Variants in LRGUK observed in about 807,000 individuals in gnomAD.
LRGUK encodes the protein leucine rich repeats and guanylate kinase domain containing.
In LRGUK, 65 loss-of-function variants were observed where a neutral mutation model predicts 76.0. The observed-to-expected ratio is 0.85, with a 90% confidence interval of 0.70 to 1.05. The LOEUF (loss-of-function observed/expected upper bound fraction) is 1.05, where lower values mean the gene tolerates loss of function less well. Ranked by LOEUF, LRGUK falls within the 50% of genes least tolerant of loss-of-function variation. The probability of loss-of-function intolerance (pLI) is 0.00; values close to 1 mark genes in which losing one functional copy is unlikely to be tolerated. For missense variants in LRGUK, 758 were observed against 732.8 expected (o/e 1.03, Z -0.40); for synonymous variants, 268 against 265.6 (o/e 1.01, Z -0.09).
At chr7:134,130,104 T>C (rs1048190046) in intron 1 of LRGUK, among the ~76,000 whole-genome samples, 1 of 152,202 alleles carries the variant, frequency 6.6e-6, no homozygotes, top group African/African-American at 2.4e-5. Context: ...TTTTACTTCC[T>C]TCTACATGAG....
intron 16 of LRGUK, among the ~76,000 whole-genome samples, chr7:134,245,274 A>G (rs920839811): frequency 8.2e-4 from 125 of 152,162 alleles, no homozygotes; most frequent in African/African-American, 2.9e-3. Context: ...AATGGGAACA[A>G]CCCCTCTTCT....
intron 5 of LRGUK, among the ~76,000 whole-genome samples, chr7:134,152,732 A>G (rs1798274289): frequency 2.0e-5 from 3 of 152,030 alleles, no homozygotes; most frequent in South Asian, 2.1e-4. Flanking sequence ...TTTTATTCCT[A>G]TATGTGGAAA....
In LRGUK at chr7:134,165,327, A is replaced by C. The variant is rs554586081; in HGVS notation, c.939+1787A>C. On this transcript the variant is annotated intron_variant, in intron 7 of 15. Transcript: ENST00000645682. ...TTAAGTAACTTGCCCAAAGTCATAT[A>C]TCCAGCAAATAGCAGAGCCAGCCTG... is the stretch of plus-strand genomic sequence containing the variant. Among the ~76,000 whole-genome samples, 5 of 152,314 alleles carry C rather than the reference A, an allele frequency of 3.3e-5. No homozygotes were observed. In the East Asian group the frequency reaches 9.6e-4, roughly 29 times the overall value.
intron 19 of LRGUK, among the ~76,000 whole-genome samples, chr7:134,263,623 CTTTTT>C (rs59840547): frequency 1.8e-5 from 2 of 114,000 alleles, no homozygotes; most frequent in Non-Finnish European, 1.8e-5. Flanking sequence ...TCATTTCTTT[CTTTTT>C]TTTTTTTTTT....
intron 15 of LRGUK, among the ~76,000 whole-genome samples, chr7:134,218,136 A>G (rs779742067): frequency 2.8e-4 from 42 of 152,104 alleles, no homozygotes; most frequent in Non-Finnish European, 4.9e-4. Flanking sequence ...TAATTTTTAT[A>G]TTTTTAGTAG....
At chr7:134,135,933 G>A (rs1292671427) in intron 1 of LRGUK, among the ~76,000 whole-genome samples, 6 of 152,222 alleles carry the variant, frequency 3.9e-5, no homozygotes, top group Admixed American at 3.3e-4. Context: ...TGGGATTACA[G>A]GCGTGAGCCA....
intron 6 of LRGUK, 66 bp from the exon 7 acceptor site, chr7:134,163,331 A>G: frequency 6.9e-7 from 1 of 1,446,196 alleles, no homozygotes; most frequent in Non-Finnish European, 9.3e-7. Flanking sequence ...CCCAAATGAA[A>G]ACTTGCCATT....
chr7:134,181,514 G>A (rs577505166), intron 10 of LRGUK, among the ~76,000 whole-genome samples: 23 of 58,494 alleles, frequency 3.9e-4, no homozygotes, highest in Admixed American at 3.2e-3. Flanking sequence ...CTTTCAATGC[G>A]TAGTGTTTTT....
chr7:134,202,278 C>T (rs572803942), intron 15 of LRGUK, among the ~76,000 whole-genome samples: 1 of 151,640 alleles, frequency 6.6e-6, no homozygotes, highest in South Asian at 2.1e-4. Flanking sequence ...CCCTTTAATC[C>T]ACCTCACAAC....
chr7:134,158,054 CA>C lies in LRGUK; in HGVS notation c.691del (p.Ser231ValfsTer3). The C allele has an allele frequency of 5.6e-6, 9 of 1,612,058 alleles. No homozygotes were observed. The highest frequency in any genetic ancestry group is 6.8e-6 in the Non-Finnish European group (8 of 1,178,628). On this transcript the variant is annotated frameshift_variant, in exon 6 of 16. Transcript: ENST00000645682. LOFTEE classifies it high-confidence loss of function. Reference sequence around the variant, plus strand: ...GTATAGGCAATGAGATAGAAGAAATCAGTGGACTAGAGATGTGCAACAACCT... The same window carrying C: ...GTATAGGCAATGAGATAGAAGAAATCGTGGACTAGAGATGTGCAACAACCT...
Position 134,148,822 on chromosome 7 carries a change from C to T in LRGUK, c.670+503C>T, listed in dbSNP as rs184087297. Among the ~76,000 whole-genome samples, 316 of 151,536 alleles carry T rather than the reference C, an allele frequency of 2.1e-3. 3 individuals are homozygous for T. The highest frequency in any genetic ancestry group is 7.2e-3 in the African/African-American group (298 of 41,286). On this transcript the variant is annotated intron_variant, in intron 5 of 15. Coordinates refer to ENST00000645682, the Ensembl canonical transcript of LRGUK. ...GTGCCTGTAATCCCAGACTGAGGCA[C>T]GAGAATTGCTTGAACCAGGGAAGTG...
chr7:134,172,423 A>C lies in LRGUK; in HGVS notation c.940-2133A>C, dbSNP rs1348972419. ...CCTTTAGATCCAGATGGTGATGCTT[A>C]GAGACTATGGCCTTGAGGGAAATCT... On this transcript the variant is annotated intron_variant, in intron 7 of 15. Transcript: ENST00000645682. 2.0e-5 allele frequency among the ~76,000 whole-genome samples: 3 copies of C among 152,244 alleles called. No homozygotes were observed. The East Asian group carries it at 5.8e-4, about 29-fold the overall frequency.
At chr7:134,197,064 G>A (rs367635019) in exon 13 of LRGUK, 22 of 1,611,508 alleles carry the variant, frequency 1.4e-5, no homozygotes, top group Non-Finnish European at 1.8e-5. Flanking sequence ...AGAAGGTATC[G>A]CAAGAGATGG....
At chr7:134,169,133 GACAC>G (rs36204942) in intron 7 of LRGUK, among the ~76,000 whole-genome samples, 1,815 of 135,326 alleles carry the variant, frequency 0.013, 13 homozygotes, top group Admixed American at 0.02. Flanking sequence ...AAGGGAAGAA[GACAC>G]ACACACACAC....
At chr7:134,178,082 C>G (rs1218359202) in intron 9 of LRGUK, among the ~76,000 whole-genome samples, 1 of 152,098 alleles carries the variant, frequency 6.6e-6, no homozygotes, top group Non-Finnish European at 1.5e-5. Flanking sequence ...GGAAAACATT[C>G]CGCATGCATC....
chr7:134,154,253 A>G (rs991967112), intron 5 of LRGUK, among the ~76,000 whole-genome samples: 1 of 152,236 alleles, frequency 6.6e-6, no homozygotes, highest in African/African-American at 2.4e-5. Context: ...AAGCTAATTC[A>G]TTGTAATGTG....
chr7:134,238,550 T>A (rs1802065346), intron 16 of LRGUK, among the ~76,000 whole-genome samples: 1 of 152,140 alleles, frequency 6.6e-6, no homozygotes, highest in African/African-American at 2.4e-5. Flanking sequence ...TGAGGTGGGT[T>A]TTTTTGTTTA....
rs534725015 is a variant in LRGUK, at chr7:134,183,083, C to G, written c.1215-651C>G. 2.6e-3 allele frequency among the ~76,000 whole-genome samples: 399 copies of G among 152,312 alleles called. 2 individuals carry two copies. Among genetic ancestry groups the G allele is most frequent in the Non-Finnish European group, 3.3e-3 (224 of 68,022 alleles). ...GGGAGATTTTATTAATCAATTCATT[C>G]TTTAGTCCAGTCTTCAGGCTTGGCA... On this transcript the variant is annotated intron_variant, in intron 10 of 15. Coordinates refer to ENST00000645682, the Ensembl canonical transcript of LRGUK.
At position 134,196,982 on chromosome 7, in the gene LRGUK, C is replaced by T. The variant is rs759163257; in HGVS notation, c.1432-10C>T. ...GTTATATGAAAATCTTTGTTCTTCT[C>T]GAATTCCAGGGGAAATTCATTCTAA... On this transcript the variant is annotated splice_polypyrimidine_tract_variant and intron_variant, in intron 12 of 15. Coordinates refer to ENST00000645682, the Ensembl canonical transcript of LRGUK. The T allele has an allele frequency of 2.1e-5, 30 of 1,453,376 alleles. No homozygotes were observed. The highest frequency in any genetic ancestry group is 2.8e-5 in the African/African-American group (2 of 71,320). The allele number at this position is 1,453,376 out of a possible 1,614,324, so 90.0% of individuals were successfully genotyped here. A position where few individuals can be genotyped will look rare whatever the true frequency, so the allele number is the denominator to read the frequency against.
Sources: gnomAD v4.1 joint callset for allele counts (sites outside exome capture counted in the v4.1 genomes callset) on GRCh38, gnomAD v4.1.1 for gene constraint, MANE v1.5 for transcripts, NCBI Gene and HGNC (gene_info 2026-07-23, HGNC 2026-07-21) for gene names.